Variants in HMHB1 observed in about 807,000 individuals in gnomAD.
The protein encoded by HMHB1 is histocompatibility minor HB-1.
Under a neutral mutation model 2.4 loss-of-function variants are expected in HMHB1, and 4 were observed. That is an observed-to-expected ratio of 1.65 (90% confidence interval 0.81 to 3.77). HMHB1 has a LOEUF of 3.77. HMHB1 is among the 30% of genes most tolerant of loss of function. HMHB1 has a pLI of 0.01. For missense variants in HMHB1, 57 were observed against 44.2 expected (o/e 1.29, Z -0.82); for synonymous variants, 22 against 17.6 (o/e 1.25, Z -0.63).
At chr5:143,820,072 A>C (rs979212393) in intron 1 of HMHB1, among the ~76,000 whole-genome samples, 1 of 152,156 alleles carries the variant, frequency 6.6e-6, no homozygotes, top group Non-Finnish European at 1.5e-5. Flanking sequence ...GCATGTATAC[A>C]TGATTTTATT....
At chr5:143,814,943 T>C (rs769379001) in intron 1 of HMHB1, among the ~76,000 whole-genome samples, 9 of 152,208 alleles carry the variant, frequency 5.9e-5, no homozygotes, top group Non-Finnish European at 1.3e-4. Context: ...CTCTCATTTG[T>C]TGATATTTGT....
At chr5:143,818,806 C>T (rs1759776149) in intron 1 of HMHB1, among the ~76,000 whole-genome samples, 1 of 151,962 alleles carries the variant, frequency 6.6e-6, no homozygotes, top group Non-Finnish European at 1.5e-5. Flanking sequence ...GCTCCTACCC[C>T]TAGCTGGTCT....
At chr5:143,819,590 G>A (rs189260993) in intron 1 of HMHB1, among the ~76,000 whole-genome samples, 28 of 148,838 alleles carry the variant, frequency 1.9e-4, no homozygotes, top group African/African-American at 5.2e-4. Context: ...AGCCAAGATC[G>A]TGCCACTGCA....
intron 1 of HMHB1, among the ~76,000 whole-genome samples, chr5:143,816,131 G>A (rs935021251): frequency 1.6e-4 from 24 of 152,072 alleles, no homozygotes; most frequent in Non-Finnish European, 3.1e-4. Context: ...ATTATCCTTT[G>A]CCATAGTTCT....
intron 1 of HMHB1, among the ~76,000 whole-genome samples, chr5:143,812,842 G>A (rs550321873): frequency 2.0e-5 from 3 of 152,128 alleles, no homozygotes; most frequent in African/African-American, 4.8e-5. Context: ...AAGCACTTGA[G>A]GGGGGTATAG....
At chr5:143,818,103 G>A (rs914145363) in intron 1 of HMHB1, among the ~76,000 whole-genome samples, 2 of 152,136 alleles carry the variant, frequency 1.3e-5, no homozygotes, top group African/African-American at 4.8e-5. Context: ...TTCAAGGTAG[G>A]ACACATTAGT....
intron 1 of HMHB1, among the ~76,000 whole-genome samples, chr5:143,816,487 G>A (rs1759751170): frequency 6.6e-6 from 1 of 152,100 alleles, no homozygotes; most frequent in South Asian, 2.1e-4. Flanking sequence ...ACTTCACTTA[G>A]AGTAATACTC....
intron 1 of HMHB1, among the ~76,000 whole-genome samples, chr5:143,812,834 G>A (rs931406075): frequency 6.6e-5 from 10 of 152,134 alleles, no homozygotes; most frequent in African/African-American, 2.2e-4. Flanking sequence ...CCTCACAGAA[G>A]CACTTGAGGG....
intron 1 of HMHB1, among the ~76,000 whole-genome samples, chr5:143,818,130 T>C (rs17101045): frequency 0.021 from 3,131 of 152,296 alleles, 126 homozygotes; most frequent in African/African-American, 0.071. Flanking sequence ...TGGCAAATAT[T>C]CATGCAATTC....
intron 1 of HMHB1, among the ~76,000 whole-genome samples, chr5:143,818,300 G>A (rs1459486354): frequency 6.6e-6 from 1 of 152,178 alleles, no homozygotes; most frequent in African/African-American, 2.4e-5. Flanking sequence ...TTTAGGGGAA[G>A]GGTAGGGTAG....
At chr5:143,817,800 G>T (rs368967000) in intron 1 of HMHB1, among the ~76,000 whole-genome samples, 2 of 151,964 alleles carry the variant, frequency 1.3e-5, no homozygotes, top group East Asian at 3.8e-4. Context: ...TTGGCAGTAT[G>T]GTCATTTTCA....
chr5:143,812,222 C>T lies in HMHB1; in HGVS notation c.-46C>T, dbSNP rs746631987. ...CTCAGAAGCCGGGCAGGCCCTGAGC[C>T]TTCTGACCTCACATCCTCTGCCACA... is the stretch of plus-strand genomic sequence containing the variant. On this transcript the variant is annotated 5_prime_UTR_variant, in exon 1 of 2. Transcript: ENST00000289448. The T allele has an allele frequency of 2.0e-5, 31 of 1,546,958 alleles. No homozygotes were observed. Among genetic ancestry groups the T allele is most frequent in the Non-Finnish European group, 2.6e-5 (30 of 1,143,148 alleles).
chr5:143,818,617 G>A (rs1044295344), intron 1 of HMHB1, among the ~76,000 whole-genome samples: 2 of 152,194 alleles, frequency 1.3e-5, no homozygotes, highest in Admixed American at 1.3e-4. Flanking sequence ...AGCCAGCTAT[G>A]CAGCCTATAG....
At chr5:143,813,893 T>G (rs3805462) in intron 1 of HMHB1, among the ~76,000 whole-genome samples, 27,683 of 152,176 alleles carry the variant, frequency 0.18, 3,000 homozygotes, top group Middle Eastern at 0.37. Context: ...CAGATATAAC[T>G]CAGTGCAGAG....
At chr5:143,819,839 T>G (rs1209170090) in intron 1 of HMHB1, among the ~76,000 whole-genome samples, 1 of 152,184 alleles carries the variant, frequency 6.6e-6, no homozygotes, top group African/African-American at 2.4e-5. Context: ...TCAGATATTC[T>G]TGCCCTTACA....
At chr5:143,820,142 A>G (rs1053182824) in intron 1 of HMHB1, among the ~76,000 whole-genome samples, 3 of 151,950 alleles carry the variant, frequency 2.0e-5, no homozygotes, top group Non-Finnish European at 4.4e-5. Context: ...TGCAGAAATT[A>G]GCATGGTTCT....
intron 1 of HMHB1, among the ~76,000 whole-genome samples, chr5:143,816,817 AC>A (rs1759754094): frequency 1.3e-5 from 2 of 152,198 alleles, no homozygotes; most frequent in Admixed American, 1.3e-4. Flanking sequence ...TTACATTCCC[AC>A]CAGCAGTGTA....
rs770668873 is a variant in HMHB1 at position 143,820,603 on chromosome 5, T to C, written c.*35T>C. On this transcript the variant is annotated 3_prime_UTR_variant, in exon 2 of 2. Coordinates refer to ENST00000289448, the MANE Select transcript of HMHB1 (RefSeq NM_021182.3). ...TGAGGTTTGACTCGAAGCCCAGAGT[T>C]TTGGTGTGGATGAGCAGGGACAAAT... 1.4e-6 allele frequency: 2 copies of C among 1,413,468 alleles called. No homozygotes were observed. Among genetic ancestry groups the C allele is most frequent in the South Asian group, 2.3e-5 (2 of 86,428 alleles). The allele number at this position is 1,413,468 out of a possible 1,614,324, so 87.6% of individuals were successfully genotyped here. A position where few individuals can be genotyped will look rare whatever the true frequency, so the allele number is the denominator to read the frequency against.
intron 1 of HMHB1, among the ~76,000 whole-genome samples, chr5:143,819,559 C>G (rs1278679490): frequency 7.0e-6 from 1 of 143,288 alleles, no homozygotes; most frequent in East Asian, 2.1e-4. Context: ...CGCTTGAGCT[C>G]GGGGGGCGGA....
Sources: gnomAD v4.1 joint callset for allele counts (sites outside exome capture counted in the v4.1 genomes callset) on GRCh38, gnomAD v4.1.1 for gene constraint, MANE v1.5 for transcripts, NCBI Gene and HGNC (gene_info 2026-07-23, HGNC 2026-07-21) for gene names.